Variants in PRKCE observed in about 807,000 individuals in gnomAD.
PRKCE encodes the protein protein kinase C epsilon type.
In PRKCE, 16 loss-of-function variants were observed where a neutral mutation model predicts 85.4. The observed-to-expected ratio is 0.19, with a 90% CI of 0.13 to 0.28. The LOEUF (loss-of-function observed/expected upper bound fraction) is 0.28. Ranked by LOEUF, PRKCE falls within the 10% of genes least tolerant of loss-of-function variation. The probability of loss-of-function intolerance (pLI) is 1.00; values close to 1 mark genes in which losing one functional copy is unlikely to be tolerated. For synonymous variants in PRKCE, 388 were observed against 371.5 expected (o/e 1.04, Z -0.51); for missense variants, 573 against 975.2 (o/e 0.59, Z 5.49).
rs538651938 is a variant in PRKCE at position 46,142,684 on chromosome 2, G to A, written c.1593-2409G>A. On this transcript the variant is annotated intron_variant, in intron 11 of 14. Transcript: ENST00000306156. ...GAGAAGAAAGGGTAGAAAGCAAAGG[G>A]AGGGTGAGCATCTGGGGCCAGTGCA... 8.5e-5 allele frequency among the ~76,000 whole-genome samples: 13 copies of A among 152,350 alleles called. No individual in the cohort carries two copies. In the East Asian group the frequency reaches 2.3e-3, roughly 27 times the overall value.
At chr2:45,757,230 C>A (rs1684081184) in intron 1 of PRKCE, among the ~76,000 whole-genome samples, 1 of 145,182 alleles carries the variant, frequency 6.9e-6, no homozygotes, top group Non-Finnish European at 1.5e-5. Flanking sequence ...ATCACTTGAA[C>A]CCAGGAGGCG....
intron 2 of PRKCE, among the ~76,000 whole-genome samples, chr2:45,920,134 T>C (rs1414028405): frequency 1.3e-5 from 2 of 152,230 alleles, no homozygotes; most frequent in Non-Finnish European, 2.9e-5. Context: ...AACTCTTCAA[T>C]GTTTAGGCAG....
At chr2:45,953,780 A>G (rs1226230864) in intron 2 of PRKCE, among the ~76,000 whole-genome samples, 1 of 152,196 alleles carries the variant, frequency 6.6e-6, no homozygotes, top group African/African-American at 2.4e-5. Flanking sequence ...GGTGGGCCAC[A>G]GGCGCTGGCT....
chr2:45,828,087 C>A (rs1454419756), intron 1 of PRKCE, among the ~76,000 whole-genome samples: 3 of 152,184 alleles, frequency 2.0e-5, no homozygotes, highest in African/African-American at 4.8e-5. Context: ...TTTGCCCATT[C>A]CTGATCAATG....
At chr2:45,727,261 T>C (rs753794012) in intron 1 of PRKCE, among the ~76,000 whole-genome samples, 23 of 152,320 alleles carry the variant, frequency 1.5e-4, no homozygotes, top group Non-Finnish European at 2.8e-4. Flanking sequence ...ATAAACCAAA[T>C]ACATGGTGAT....
chr2:46,154,952 C>G (rs768335429), intron 13 of PRKCE, among the ~76,000 whole-genome samples: 3 of 152,158 alleles, frequency 2.0e-5, no homozygotes, highest in Non-Finnish European at 4.4e-5. Context: ...GAGAACAGTG[C>G]CAAGCACATT....
chr2:45,850,797 C>T (rs566612536), intron 2 of PRKCE, among the ~76,000 whole-genome samples: 5 of 152,260 alleles, frequency 3.3e-5, no homozygotes, highest in South Asian at 4.2e-4. Flanking sequence ...CCCAAGTGCA[C>T]ACAGGTGAGA....
At chr2:45,753,752 A>G (rs1312917377) in intron 1 of PRKCE, among the ~76,000 whole-genome samples, 2 of 152,252 alleles carry the variant, frequency 1.3e-5, no homozygotes, top group Non-Finnish European at 2.9e-5. Flanking sequence ...CTAGATTTTT[A>G]ACATTTTTGC....
At chr2:46,093,763 T>G (rs967626966) in intron 11 of PRKCE, among the ~76,000 whole-genome samples, 1 of 152,080 alleles carries the variant, frequency 6.6e-6, no homozygotes, top group Non-Finnish European at 1.5e-5. Context: ...AAAATGAGGT[T>G]TTAGTTCCGT....
At chr2:46,137,935 A>T (rs1469445817) in intron 11 of PRKCE, among the ~76,000 whole-genome samples, 2 of 152,082 alleles carry the variant, frequency 1.3e-5, no homozygotes, top group African/African-American at 2.4e-5. Context: ...CACATTAGGG[A>T]TCTGTTTGTA....
chr2:45,903,565 G>A (rs1696727847), intron 2 of PRKCE, among the ~76,000 whole-genome samples: 2 of 152,280 alleles, frequency 1.3e-5, no homozygotes, highest in East Asian at 3.9e-4. Context: ...GTATAACTAT[G>A]TTCCAAATAT....
intron 10 of PRKCE, among the ~76,000 whole-genome samples, chr2:46,051,566 A>G (rs1304036125): frequency 6.6e-6 from 1 of 152,152 alleles, no homozygotes; most frequent in African/African-American, 2.4e-5. Flanking sequence ...CATTTCCTGA[A>G]TCTAGCACCC....
chr2:45,979,783 T>C (rs1198779164), intron 4 of PRKCE, among the ~76,000 whole-genome samples: 1 of 152,140 alleles, frequency 6.6e-6, no homozygotes, highest in African/African-American at 2.4e-5. Flanking sequence ...AACACAGATA[T>C]AGGCCACTTG....
Position 45,817,510 on chromosome 2 carries a change from G to A in PRKCE, c.349-25490G>A, listed in dbSNP as rs866448865. ...AGATCGAGACCATCCTGGCTAACAC[G>A]GTGAAACCCCGTCTCTAATAAAAAT... On this transcript the variant is annotated intron_variant, in intron 1 of 14. Coordinates refer to ENST00000306156, the MANE Select transcript of PRKCE (RefSeq NM_005400.3). Among the ~76,000 whole-genome samples, 94 of 148,870 alleles carry A rather than the reference G, an allele frequency of 6.3e-4. 1 individual carries two copies. The highest frequency in any genetic ancestry group is 2.0e-3 in the African/African-American group (82 of 40,360).
chr2:46,132,197 C>G (rs763112747), intron 11 of PRKCE, among the ~76,000 whole-genome samples: 1 of 152,160 alleles, frequency 6.6e-6, no homozygotes, highest in South Asian at 2.1e-4. Flanking sequence ...GGTGGTTGCT[C>G]TGTCTCAAGT....
At chr2:46,049,348 A>G (rs1025188454) in intron 10 of PRKCE, among the ~76,000 whole-genome samples, 1 of 152,268 alleles carries the variant, frequency 6.6e-6, no homozygotes, top group Non-Finnish European at 1.5e-5. Flanking sequence ...CCCAGTCCTG[A>G]CAATGCACAT....
intron 10 of PRKCE, among the ~76,000 whole-genome samples, chr2:46,045,297 T>C (rs893838787): frequency 6.6e-6 from 1 of 152,248 alleles, no homozygotes; most frequent in Non-Finnish European, 1.5e-5. Context: ...TACATGTTTA[T>C]TGACTGGGTC....
chr2:45,693,820 T>C (rs1025895970), intron 1 of PRKCE, among the ~76,000 whole-genome samples: 1 of 151,942 alleles, frequency 6.6e-6, no homozygotes, highest in Middle Eastern at 3.2e-3. Flanking sequence ...AAGGAATTTT[T>C]AGTTAGGGAG....
rs191756990 is a variant in PRKCE at position 45,710,947 on chromosome 2, G to C, written c.348+58499G>C. Among the ~76,000 whole-genome samples, 36 of 152,274 alleles carry C rather than the reference G, an allele frequency of 2.4e-4. 1 individual carries two copies. In the East Asian group the frequency reaches 6.0e-3, roughly 25 times the overall value. On this transcript the variant is annotated intron_variant, in intron 1 of 14. Coordinates refer to ENST00000306156, the MANE Select transcript of PRKCE (RefSeq NM_005400.3). ...TGCCTTCTCTCGCTTAACATGGGGT[G>C]GGAAAAATCCAGCCAGGCAAAAACA... is the stretch of plus-strand genomic sequence containing the variant.
Sources: allele counts gnomAD v4.1 joint callset (sites outside exome capture counted in the v4.1 genomes callset), GRCh38; gene constraint gnomAD v4.1.1; transcripts MANE v1.5; gene names NCBI Gene and HGNC (gene_info 2026-07-23, HGNC 2026-07-21).